Variants in CNTNAP2 observed in about 807,000 individuals in gnomAD.
CNTNAP2 encodes contactin associated protein 2, also known as contactin-associated protein-like 2.
Under a neutral mutation model 155.2 loss-of-function variants are expected in CNTNAP2, and 98 were observed. The observed-to-expected ratio is 0.63, with a 90% CI of 0.54 to 0.75. The LOEUF (loss-of-function observed/expected upper bound fraction) is 0.75, where lower values mean the gene tolerates loss of function less well. CNTNAP2 is among the 30% of genes least tolerant of loss of function. The pLI is 0.00. For synonymous variants in CNTNAP2, 651 were observed against 631.2 expected (o/e 1.03, Z -0.47); for missense variants, 1,727 against 1,688.1 (o/e 1.02, Z -0.40).
At chr7:146,628,848 C>T (rs989262831) in intron 1 of CNTNAP2, among the ~76,000 whole-genome samples, 1 of 151,996 alleles carries the variant, frequency 6.6e-6, no homozygotes, top group East Asian at 1.9e-4. Flanking sequence ...CTTCCTGAAC[C>T]ATATTTTGCC....
At chr7:147,685,656 T>TA (rs928977292) in intron 13 of CNTNAP2, among the ~76,000 whole-genome samples, 1 of 151,178 alleles carries the variant, frequency 6.6e-6, no homozygotes, top group Non-Finnish European at 1.5e-5. Context: ...ACAGGGGGAA[T>TA]AAAAAAACAG....
chr7:146,887,266 A>G (rs142598014), intron 3 of CNTNAP2, among the ~76,000 whole-genome samples: 1 of 152,090 alleles, frequency 6.6e-6, no homozygotes, highest in East Asian at 1.9e-4. Context: ...CTCCTGCCTC[A>G]GCCTCCCGAG....
At chr7:148,176,955 G>A (rs1332301082) in intron 18 of CNTNAP2, among the ~76,000 whole-genome samples, 1 of 152,186 alleles carries the variant, frequency 6.6e-6, no homozygotes, top group Non-Finnish European at 1.5e-5. Flanking sequence ...CCTTCTTGGA[G>A]AGTCAGATCC....
At chr7:147,455,359 AT>A (rs1451387850) in intron 10 of CNTNAP2, among the ~76,000 whole-genome samples, 2 of 152,128 alleles carry the variant, frequency 1.3e-5, no homozygotes, top group Non-Finnish European at 2.9e-5. Context: ...CTCCAATTTA[AT>A]AAGGGGTAAA....
intron 18 of CNTNAP2, among the ~76,000 whole-genome samples, chr7:148,182,993 C>T (rs527982922): frequency 1.6e-4 from 24 of 152,270 alleles, no homozygotes; most frequent in East Asian, 1.5e-3. Context: ...TCTGTGTGAA[C>T]GAAGTAATTT....
At chr7:148,101,755 G>A (rs547978919) in intron 15 of CNTNAP2, among the ~76,000 whole-genome samples, 3 of 152,276 alleles carry the variant, frequency 2.0e-5, no homozygotes, top group South Asian at 2.1e-4. Context: ...GGAGAGAATT[G>A]CTTTCAAAAC....
At chr7:147,007,225 G>A (rs188929417) in intron 3 of CNTNAP2, among the ~76,000 whole-genome samples, 2 of 152,086 alleles carry the variant, frequency 1.3e-5, no homozygotes, top group Non-Finnish European at 2.9e-5. Context: ...TGATTTTTCT[G>A]CTAGGGCCAG....
intron 1 of CNTNAP2, among the ~76,000 whole-genome samples, chr7:146,722,140 T>C (rs1457315954): frequency 1.3e-5 from 2 of 151,738 alleles, no homozygotes; most frequent in African/African-American, 4.9e-5. Context: ...TCCACCTACC[T>C]TGGCCTCCCA....
chr7:147,655,340 C>T lies in CNTNAP2; in HGVS notation c.2098+16034C>T, dbSNP rs539288557. The stretch of plus-strand genomic sequence containing the variant: ...GTTTTATCGTGTTTGCCATGCTGGT[C>T]TCGAACTCCTGACCTCAGGTGATCC... On this transcript the variant is annotated intron_variant, in intron 13 of 23. Coordinates refer to ENST00000361727, the MANE Select transcript of CNTNAP2 (RefSeq NM_014141.6). Among the ~76,000 whole-genome samples, 113 of 149,838 alleles carry T rather than the reference C, an allele frequency of 7.5e-4. 1 individual carries two copies. The South Asian group carries it at 7.8e-3, about 10-fold the overall frequency.
chr7:147,587,065 C>A (rs908941481), intron 12 of CNTNAP2, among the ~76,000 whole-genome samples: 1 of 152,150 alleles, frequency 6.6e-6, no homozygotes, highest in Non-Finnish European at 1.5e-5. Flanking sequence ...CCCAAAAAAG[C>A]AGTGAGGAAA....
intron 1 of CNTNAP2, among the ~76,000 whole-genome samples, chr7:146,710,325 C>T (rs1265838951): frequency 6.6e-6 from 1 of 152,186 alleles, no homozygotes; most frequent in Non-Finnish European, 1.5e-5. Context: ...TGCAACTGAT[C>T]CCATAAGTGG....
chr7:146,147,474 G>A (rs761248788), intron 1 of CNTNAP2, among the ~76,000 whole-genome samples: 8 of 152,138 alleles, frequency 5.3e-5, no homozygotes. Flanking sequence ...GAATGTGAAG[G>A]ACACTCATAT....
At chr7:146,554,343 T>C (rs187043546) in intron 1 of CNTNAP2, among the ~76,000 whole-genome samples, 50 of 152,322 alleles carry the variant, frequency 3.3e-4, no homozygotes, top group African/African-American at 1.2e-3. Context: ...TGGGTTCATG[T>C]GGATTTCAAA....
At chr7:146,658,263 G>A (rs187729777) in intron 1 of CNTNAP2, among the ~76,000 whole-genome samples, 2 of 152,014 alleles carry the variant, frequency 1.3e-5, no homozygotes, top group Admixed American at 6.5e-5. Context: ...ATTTACAAAC[G>A]GTAAAGATCA....
chr7:147,755,087 C>G (rs6976194), intron 13 of CNTNAP2, among the ~76,000 whole-genome samples: 151,418 of 152,260 alleles, frequency 0.99, 75,292 homozygotes, highest in Middle Eastern at 1. Context: ...TGTAGTAAAT[C>G]GGGTGAAAAA....
intron 13 of CNTNAP2, among the ~76,000 whole-genome samples, chr7:147,816,240 G>C (rs111277883): frequency 1.6e-4 from 24 of 152,254 alleles, no homozygotes; most frequent in African/African-American, 5.8e-4. Flanking sequence ...GCCCTGCCTT[G>C]GAGAGGCTCC....
At chr7:147,360,706 A>G (rs1409138952) in intron 9 of CNTNAP2, among the ~76,000 whole-genome samples, 1 of 151,800 alleles carries the variant, frequency 6.6e-6, no homozygotes, top group Non-Finnish European at 1.5e-5. Context: ...CATGACCCCT[A>G]TGTGTTCATG....
chr7:147,787,025 GAAGAC>G (rs547230351), intron 13 of CNTNAP2, among the ~76,000 whole-genome samples: 39 of 150,704 alleles, frequency 2.6e-4, no homozygotes, highest in African/African-American at 7.1e-4. Context: ...GAGAGAGAGA[GAAGAC>G]AAGACAAGAC....
intron 3 of CNTNAP2, among the ~76,000 whole-genome samples, chr7:146,947,352 T>C (rs968713738): frequency 2.0e-5 from 3 of 148,382 alleles, no homozygotes; most frequent in African/African-American, 7.4e-5. Context: ...ATTGACAGCT[T>C]TGTGAACACC....
Sources: allele counts gnomAD v4.1 joint callset (sites outside exome capture counted in the v4.1 genomes callset), GRCh38; gene constraint gnomAD v4.1.1; transcripts MANE v1.5; gene names NCBI Gene and HGNC (gene_info 2026-07-23, HGNC 2026-07-21).